The following RIMBP2 variants were observed in gnomAD, a reference collection of about 807,000 sequenced individuals.
RIMBP2 encodes the protein RIMS-binding protein 2.
A neutral mutation model predicts 118.6 loss-of-function variants in RIMBP2; 48 were observed. The observed-to-expected ratio is 0.40, with a 90% CI of 0.32 to 0.51. The LOEUF is 0.51. Ranked by LOEUF, RIMBP2 falls within the 20% of genes least tolerant of loss-of-function variation. The pLI is 0.41. For synonymous variants in RIMBP2, 762 were observed against 742.9 expected (o/e 1.03, Z -0.42); for missense variants, 1,551 against 1,768.3 (o/e 0.88, Z 2.20).
chr12:130,709,257 C>T (rs1949720472), intron 1 of RIMBP2, among the ~76,000 whole-genome samples: 1 of 152,220 alleles, frequency 6.6e-6, no homozygotes, highest in African/African-American at 2.4e-5. Flanking sequence ...ATGGCCCTCC[C>T]GGGGCCCCAA....
chr12:130,568,873 G>A (rs946915835), intron 2 of RIMBP2, among the ~76,000 whole-genome samples: 2 of 151,888 alleles, frequency 1.3e-5, no homozygotes, highest in African/African-American at 2.4e-5. Context: ...TGGATCCCAG[G>A]GCATTATCCA....
intron 4 of RIMBP2, among the ~76,000 whole-genome samples, chr12:130,493,223 C>T (rs1267707901): frequency 6.6e-6 from 1 of 152,192 alleles, no homozygotes; most frequent in Non-Finnish European, 1.5e-5. Context: ...TTAGGTCTGC[C>T]ACTCGATTTG....
intron 1 of RIMBP2, among the ~76,000 whole-genome samples, chr12:130,649,950 G>T (rs1322336763): frequency 6.6e-6 from 1 of 152,040 alleles, no homozygotes; most frequent in Non-Finnish European, 1.5e-5. Context: ...AGCCTTGTCT[G>T]CAGGTCGGAG....
chr12:130,498,035 C>G (rs1256199918), intron 4 of RIMBP2, among the ~76,000 whole-genome samples: 1 of 152,252 alleles, frequency 6.6e-6, no homozygotes, highest in Non-Finnish European at 1.5e-5. Flanking sequence ...TATACAGTCA[C>G]CTGTGAGCCC....
Position 130,712,448 on chromosome 12 carries a change from C to T in RIMBP2, c.-352+3774G>A, listed in dbSNP as rs145335570. Reference sequence around the variant, plus strand: ...TTAAAAGCTAAGACATAAACACACACGTTCACCTAGGCCTCCCCGGGGCCA... The same window carrying T: ...TTAAAAGCTAAGACATAAACACACATGTTCACCTAGGCCTCCCCGGGGCCA... On this transcript the variant is annotated intron_variant, in intron 1 of 22. Transcript: ENST00000690449. Among the ~76,000 whole-genome samples, 963 of 152,212 alleles carry T rather than the reference C, an allele frequency of 6.3e-3. 7 individuals carry two copies. Among genetic ancestry groups the T allele is most frequent in the Middle Eastern group, 0.027 (8 of 294 alleles).
intron 1 of RIMBP2, among the ~76,000 whole-genome samples, chr12:130,653,612 G>A (rs2063312967): frequency 6.6e-6 from 1 of 152,228 alleles, no homozygotes; most frequent in South Asian, 2.1e-4. Context: ...TGTGGGAGCT[G>A]CAACCCCACA....
intron 1 of RIMBP2, among the ~76,000 whole-genome samples, chr12:130,633,084 A>T (rs956176900): frequency 6.6e-6 from 1 of 152,186 alleles, no homozygotes; most frequent in African/African-American, 2.4e-5. Flanking sequence ...CGCTACATAG[A>T]ATAAAAAAAG....
At chr12:130,715,330 C>A (rs1033213682) in intron 1 of RIMBP2, among the ~76,000 whole-genome samples, 1 of 152,154 alleles carries the variant, frequency 6.6e-6, no homozygotes. Flanking sequence ...GTGACCAGGC[C>A]GGGAGGTGAA....
chr12:130,694,649 G>C (rs974675788), intron 1 of RIMBP2, among the ~76,000 whole-genome samples: 4 of 152,192 alleles, frequency 2.6e-5, no homozygotes, highest in African/African-American at 9.7e-5. Context: ...TCTCTGCATG[G>C]ATGGTGCTTC....
chr12:130,698,586 T>A (rs2065685626), intron 1 of RIMBP2, among the ~76,000 whole-genome samples: 1 of 152,116 alleles, frequency 6.6e-6, no homozygotes, highest in Non-Finnish European at 1.5e-5. Context: ...TGAAACACCA[T>A]CTCTACTAAA....
intron 2 of RIMBP2, among the ~76,000 whole-genome samples, chr12:130,566,273 A>AT (rs1487043797): frequency 1.3e-5 from 2 of 152,192 alleles, no homozygotes; most frequent in African/African-American, 4.8e-5. Context: ...CTGTAAGGCA[A>AT]TAATAGAGAA....
intron 2 of RIMBP2, among the ~76,000 whole-genome samples, chr12:130,571,367 C>CCA (rs1321090408): frequency 6.6e-6 from 1 of 151,752 alleles, no homozygotes; most frequent in East Asian, 1.9e-4. Context: ...GTGTTCGCTG[C>CCA]CACACACAAG....
Position 130,621,862 on chromosome 12 carries a change from C to G in RIMBP2, c.-217+6460G>C, listed in dbSNP as rs1197761525. On this transcript the variant is annotated intron_variant, in intron 2 of 22. Transcript: ENST00000690449. This position sits in a 1 kb window ranked among gnomAD's most constrained non-coding sequence, Gnocchi z 6.6. The stretch of plus-strand genomic sequence containing the variant: ...AGCCATCGCTGAACCCAGCCTGGTA[C>G]TGAGGCCAGCAGGCCAGCATCACAC... Among the ~76,000 whole-genome samples, 1 of 152,198 alleles carries G rather than the reference C, an allele frequency of 6.6e-6. No individual in the cohort carries two copies. The highest frequency in any genetic ancestry group is 1.5e-5 in the Non-Finnish European group (1 of 68,040).
At chr12:130,482,614 C>T (rs530102876) in intron 4 of RIMBP2, among the ~76,000 whole-genome samples, 2 of 152,366 alleles carry the variant, frequency 1.3e-5, no homozygotes, top group Admixed American at 6.5e-5. Context: ...TACCCAAGCA[C>T]TTGTTTTGTG....
At position 130,412,805 on chromosome 12, in the gene RIMBP2, A is replaced by G; in HGVS notation, c.3421-18T>C. The G allele has an allele frequency of 6.2e-7, 1 of 1,603,384 alleles. No homozygotes were observed. The highest frequency in any genetic ancestry group is 8.5e-7 in the Non-Finnish European group (1 of 1,174,774). Reference sequence around the variant, plus strand: ...CCATAAACCTAGAGCCAAGGGGGAAAATAAATCAAGCACTGTAATTGATTG... The same window carrying G: ...CCATAAACCTAGAGCCAAGGGGGAAGATAAATCAAGCACTGTAATTGATTG... On this transcript the variant is annotated intron_variant, in intron 18 of 22. Coordinates refer to ENST00000690449, the MANE Select transcript of RIMBP2 (RefSeq NM_001393629.1).
At chr12:130,481,437 G>T (rs114534544) in intron 4 of RIMBP2, among the ~76,000 whole-genome samples, 4 of 152,034 alleles carry the variant, frequency 2.6e-5, no homozygotes, top group Non-Finnish European at 5.9e-5. Context: ...TTTCAGGCAC[G>T]GCAACCTCAC....
At chr12:130,556,914 G>C (rs1182398131) in intron 2 of RIMBP2, among the ~76,000 whole-genome samples, 1 of 152,178 alleles carries the variant, frequency 6.6e-6, no homozygotes, top group Non-Finnish European at 1.5e-5. Context: ...GAGACGTCTT[G>C]CATCTCGGCT....
intron 4 of RIMBP2, among the ~76,000 whole-genome samples, chr12:130,498,793 C>A (rs767790998): frequency 6.6e-5 from 10 of 152,210 alleles, no homozygotes; most frequent in Non-Finnish European, 1.3e-4. Flanking sequence ...ATGATTGCAA[C>A]TTCAGTTGCC....
At chr12:130,496,670 C>A (rs146511383) in intron 4 of RIMBP2, among the ~76,000 whole-genome samples, 4 of 152,192 alleles carry the variant, frequency 2.6e-5, no homozygotes, top group Non-Finnish European at 4.4e-5. Context: ...TGGGCAGGCC[C>A]GCTCCCCAGA....
Sources: allele counts gnomAD v4.1 joint callset (sites outside exome capture counted in the v4.1 genomes callset), GRCh38; gene constraint gnomAD v4.1.1; non-coding constraint Gnocchi (gnomAD v3.1); transcripts MANE v1.5; gene names NCBI Gene and HGNC (gene_info 2026-07-23, HGNC 2026-07-21).